The following GALNT11 variants were observed in gnomAD, a reference collection of about 807,000 sequenced individuals.
GALNT11 encodes the protein polypeptide N-acetylgalactosaminyltransferase 11, also known as UDP-GalNAc:polypeptide N-acetylgalactosaminyltransferase 11.
A neutral mutation model predicts 72.7 loss-of-function variants in GALNT11; 47 were observed. The observed-to-expected ratio is 0.65, with a 90% confidence interval of 0.51 to 0.82. The LOEUF is 0.82. Among genes scored for constraint, GALNT11 ranks in the 40% least tolerant of loss-of-function variants. GALNT11 has a pLI of 0.00. For missense variants in GALNT11, 677 were observed against 778.4 expected, an observed-to-expected ratio of 0.87 and a Z score of 1.55; for synonymous variants, 270 against 286.6, an observed-to-expected ratio of 0.94 and a Z score of 0.58.
chr7:152,048,846 G>A (rs1469043548), intron 1 of GALNT11, among the ~76,000 whole-genome samples: 1 of 151,376 alleles, frequency 6.6e-6, no homozygotes, highest in Non-Finnish European at 1.5e-5. Context: ...GACTCTGTAT[G>A]TTCAAATGGC....
At chr7:152,047,659 T>C (rs1486659985) in intron 1 of GALNT11, among the ~76,000 whole-genome samples, 1 of 151,872 alleles carries the variant, frequency 6.6e-6, no homozygotes, top group Non-Finnish European at 1.5e-5. Context: ...ATTGCACCAC[T>C]GCACTCTAGC....
At chr7:152,111,479 A>G (rs1159065339) in intron 7 of GALNT11, among the ~76,000 whole-genome samples, 2 of 152,160 alleles carry the variant, frequency 1.3e-5, no homozygotes, top group African/African-American at 2.4e-5. Flanking sequence ...TAGAGGTACA[A>G]GTGCATAGTG....
chr7:152,081,632 G>A (rs1563061058), intron 1 of GALNT11, among the ~76,000 whole-genome samples: 1 of 152,164 alleles, frequency 6.6e-6, no homozygotes, highest in Admixed American at 6.5e-5. Context: ...GCATAGTAGT[G>A]TAAGGCTACT....
chr7:152,033,169 C>G (rs117384526), intron 1 of GALNT11, among the ~76,000 whole-genome samples: 1 of 152,134 alleles, frequency 6.6e-6, no homozygotes, highest in Non-Finnish European at 1.5e-5. Flanking sequence ...CTTTGTCCTC[C>G]GGGGCAGTGC....
At chr7:152,046,368 C>G (rs2083122330) in intron 1 of GALNT11, among the ~76,000 whole-genome samples, 1 of 152,068 alleles carries the variant, frequency 6.6e-6, no homozygotes, top group South Asian at 2.1e-4. Flanking sequence ...GATTTTTTGT[C>G]TGGATGATCT....
chr7:152,069,740 A>G (rs1336151182), intron 1 of GALNT11, among the ~76,000 whole-genome samples: 1 of 152,152 alleles, frequency 6.6e-6, no homozygotes, highest in Non-Finnish European at 1.5e-5. Flanking sequence ...TTGATTTGTA[A>G]TGTCAGCATG....
At chr7:152,059,257 A>G (rs2083866925) in intron 1 of GALNT11, among the ~76,000 whole-genome samples, 1 of 150,766 alleles carries the variant, frequency 6.6e-6, no homozygotes, top group Admixed American at 6.6e-5. Flanking sequence ...CACCATGCCC[A>G]ACTTTTTTTT....
chr7:152,032,637 G>C (rs1241010652), intron 1 of GALNT11, among the ~76,000 whole-genome samples: 2 of 152,180 alleles, frequency 1.3e-5, no homozygotes, highest in Non-Finnish European at 2.9e-5. Flanking sequence ...TATTGCCTTT[G>C]ATAAGGAAAT....
At chr7:152,099,947 ATTT>A (rs768708954) in intron 2 of GALNT11, among the ~76,000 whole-genome samples, 1 of 114,466 alleles carries the variant, frequency 8.7e-6, no homozygotes, top group Non-Finnish European at 1.8e-5. Flanking sequence ...CACCTGGCTA[ATTT>A]TTTTTTTTTT....
intron 1 of GALNT11, among the ~76,000 whole-genome samples, chr7:152,087,945 T>C (rs2085758581): frequency 6.6e-6 from 1 of 152,258 alleles, no homozygotes; most frequent in Non-Finnish European, 1.5e-5. Context: ...TACTGATATA[T>C]GGCAGAATGG....
chr7:152,093,079 A>G, intron 1 of GALNT11, among the ~76,000 whole-genome samples: 1 of 152,014 alleles, frequency 6.6e-6, no homozygotes, highest in East Asian at 1.9e-4. Context: ...AAATACAAAA[A>G]CTAGCCAGGT....
intron 1 of GALNT11, among the ~76,000 whole-genome samples, chr7:152,081,003 A>G (rs919019148): frequency 6.6e-6 from 1 of 151,996 alleles, no homozygotes; most frequent in Admixed American, 6.6e-5. Flanking sequence ...AAAAAACCCC[A>G]TTAATTGCCA....
In GALNT11 at chr7:152,108,209, A is replaced by C; in HGVS notation, c.884A>C (p.Asn295Thr). The C allele has an allele frequency of 6.2e-7, 1 of 1,614,162 alleles. No individual in the cohort carries two copies. The highest frequency in any genetic ancestry group is 8.5e-7 in the Non-Finnish European group (1 of 1,180,034). Residue 295 changes from asparagine to threonine, a missense_variant, in exon 6 of 12, where the codon AAC (asparagine) becomes ACC (threonine). Coordinates refer to ENST00000430044, the MANE Select transcript of GALNT11 (RefSeq NM_022087.4). ...SSSPVVRGGF[N>T]WGLHFKWDLV... is the part of the protein sequence containing the mutation. The stretch of plus-strand genomic sequence containing the variant: ...TCCCCTGTCGTCCGCGGAGGGTTCA[A>C]CTGGGGACTGCACTTCAAATGGGAT...
At chr7:152,093,594 A>G (rs2086183661) in intron 1 of GALNT11, among the ~76,000 whole-genome samples, 1 of 151,684 alleles carries the variant, frequency 6.6e-6, no homozygotes, top group African/African-American at 2.4e-5. Flanking sequence ...ACCCTCAGCT[A>G]ATTTTTGTAT....
chr7:152,055,520 CGTGTGTGTGTGTGTGTGTGTGTGTGT>C (rs3031460), intron 1 of GALNT11, among the ~76,000 whole-genome samples: 1 of 136,444 alleles, frequency 7.3e-6, no homozygotes, highest in Admixed American at 7.6e-5. Flanking sequence ...ATATATAAAG[CGTGTGTGTGTGTGTGTGTGTGTGTGT>C]GTGTGTGTGT....
chr7:152,091,232 TTTATTA>T (rs765242489), intron 1 of GALNT11, among the ~76,000 whole-genome samples: 1 of 150,200 alleles, frequency 6.7e-6, no homozygotes, highest in Non-Finnish European at 1.5e-5. Context: ...ATATATTTAT[TTTATTA>T]TTATTATTAT....
At chr7:152,085,352 G>T (rs193056812) in intron 1 of GALNT11, among the ~76,000 whole-genome samples, 1 of 152,114 alleles carries the variant, frequency 6.6e-6, no homozygotes, top group Non-Finnish European at 1.5e-5. Flanking sequence ...TTTGAAGAAC[G>T]TATTAGTTGA....
intron 7 of GALNT11, 110 bp from the exon 8 acceptor site, chr7:152,113,136 C>A: frequency 8.7e-7 from 1 of 1,145,524 alleles, no homozygotes; most frequent in Non-Finnish European, 1.2e-6. Context: ...AAATATCTTG[C>A]CAAGTTTCAT....
At chr7:152,110,389 A>ATT in intron 6 of GALNT11, 139 bp from the exon 7 acceptor site, 2 of 719,032 alleles carry the variant, frequency 2.8e-6, no homozygotes, top group Non-Finnish European at 4.9e-6. Context: ...TCATTCTCTG[A>ATT]TACTGGATAA....
Sources: gnomAD v4.1 joint callset for allele counts (sites outside exome capture counted in the v4.1 genomes callset) on GRCh38, gnomAD v4.1.1 for gene constraint, MANE v1.5 for transcripts, NCBI Gene and HGNC (gene_info 2026-07-23, HGNC 2026-07-21) for gene names.